CBR4: variants seen among roughly 807,000 people sequenced by gnomAD.
CBR4 encodes the protein 3-oxoacyl-[acyl-carrier-protein] reductase.
A neutral mutation model predicts 21.0 loss-of-function variants in CBR4; 22 were observed. The observed-to-expected ratio is 1.05, with a 90% CI of 0.75 to 1.50. The LOEUF is 1.50. Ranked by LOEUF, CBR4 falls within the 40% of genes most tolerant of loss-of-function variation. CBR4 has a pLI of 0.00. For missense variants in CBR4, 302 were observed against 286.3 expected (o/e 1.05, Z -0.40); for synonymous variants, 100 against 104.4 (o/e 0.96, Z 0.26).
In CBR4 at chr4:168,921,672, G is replaced by A. The variant is rs757307011; in HGVS notation, n.170-26907C>T. 2 of 1,611,222 alleles carry A rather than the reference G, an allele frequency of 1.2e-6. No homozygotes were observed. The highest frequency in any genetic ancestry group is 3.3e-5 in the Admixed American group (2 of 59,716). ...AGAGCCAGTCACGTCACGTGATGCC[G>A]GCATCTACACATGTATAGCTACCAA... On this transcript the variant is annotated intron_variant and non_coding_transcript_variant, in intron 2 of 3. Coordinates refer to the CBR4 transcript ENST00000509108.
rs77409532 is a variant in CBR4, at chr4:168,979,095, C to T, written n.169+22976G>A. 7.7e-3 allele frequency among the ~76,000 whole-genome samples: 1,177 copies of T among 152,136 alleles called. 18 individuals carry two copies. The highest frequency in any genetic ancestry group is 0.026 in the African/African-American group (1,090 of 41,502). On this transcript the variant is annotated intron_variant and non_coding_transcript_variant, in intron 2 of 3. Transcript: ENST00000509108. Reference sequence around the variant, plus strand: ...GAAAAAGAGGCCACACTATTTTCCACGCAGGTCCCTCCTCCTGTTACTCCT... The same window carrying T: ...GAAAAAGAGGCCACACTATTTTCCATGCAGGTCCCTCCTCCTGTTACTCCT...
At chr4:168,913,225 C>T (rs1015672842) in intron 2 of CBR4, among the ~76,000 whole-genome samples, 68 of 151,334 alleles carry the variant, frequency 4.5e-4, no homozygotes, top group African/African-American at 1.6e-3. Context: ...CAACCTCCGC[C>T]TCCCGGGTTC....
At chr4:168,933,701 A>G (rs1221019418) in intron 2 of CBR4, among the ~76,000 whole-genome samples, 1 of 152,228 alleles carries the variant, frequency 6.6e-6, no homozygotes, top group Non-Finnish European at 1.5e-5. Context: ...CCCAACAGCA[A>G]TAGAATACAC....
At chr4:168,999,042 A>C (rs991237528) in intron 4 of CBR4, among the ~76,000 whole-genome samples, 6 of 152,140 alleles carry the variant, frequency 3.9e-5, no homozygotes, top group African/African-American at 1.4e-4. Context: ...CATTTATCAA[A>C]TATTATTTCT....
intron 2 of CBR4, among the ~76,000 whole-genome samples, chr4:168,940,658 A>G (rs1763238298): frequency 6.6e-6 from 1 of 152,226 alleles, no homozygotes; most frequent in South Asian, 2.1e-4. Context: ...GAAGACATTT[A>G]TGCAGCCAAC....
chr4:168,948,100 G>A (rs889353937), intron 2 of CBR4, among the ~76,000 whole-genome samples: 2 of 152,112 alleles, frequency 1.3e-5, no homozygotes, highest in Non-Finnish European at 2.9e-5. Context: ...TCACACTGTG[G>A]TTTTGATTTG....
At chr4:168,937,071 G>T (rs1763132886) in intron 2 of CBR4, among the ~76,000 whole-genome samples, 1 of 152,098 alleles carries the variant, frequency 6.6e-6, no homozygotes, top group Non-Finnish European at 1.5e-5. Flanking sequence ...AAAAGGTCAG[G>T]TTACCCACAA....
chr4:168,947,543 T>C (rs1217580485), intron 2 of CBR4, among the ~76,000 whole-genome samples: 1 of 152,144 alleles, frequency 6.6e-6, no homozygotes, highest in African/African-American at 2.4e-5. Flanking sequence ...CCCTCTCCCA[T>C]CCTTCTCCCC....
At chr4:168,954,959 C>T (rs943317713) in intron 2 of CBR4, among the ~76,000 whole-genome samples, 4 of 151,994 alleles carry the variant, frequency 2.6e-5, no homozygotes, top group Non-Finnish European at 5.9e-5. Flanking sequence ...GAGAATGGTT[C>T]GGAATTAATG....
rs1223364195 is a variant in CBR4, at chr4:168,894,606, C to T, written n.329G>A. 5 of 1,613,108 alleles carry T rather than the reference C, an allele frequency of 3.1e-6. No homozygotes were observed. Among genetic ancestry groups the T allele is most frequent in the South Asian group, 2.2e-5 (2 of 91,026 alleles). On this transcript the variant is annotated non_coding_transcript_exon_variant, in exon 3 of 4. Coordinates refer to the CBR4 transcript ENST00000509108. ...GTTAACATACGAAGAAAGAATGGCTCGTCGACTGCTAGGTGCTGACAGTGC... is the reference window on the plus strand; with the variant it reads ...GTTAACATACGAAGAAAGAATGGCTTGTCGACTGCTAGGTGCTGACAGTGC...
intron 2 of CBR4, chr4:168,898,498 C>CA (rs751704485): frequency 6.2e-7 from 1 of 1,608,566 alleles, no homozygotes; most frequent in Non-Finnish European, 8.5e-7. Context: ...TTCAGGAATA[C>CA]AAAGTCTCCA....
At chr4:168,975,862 G>A (rs1459258515) in intron 2 of CBR4, among the ~76,000 whole-genome samples, 1 of 152,076 alleles carries the variant, frequency 6.6e-6, no homozygotes, top group East Asian at 1.9e-4. Flanking sequence ...GGTTGCCAGG[G>A]AAGTGGGGGA....
intron 2 of CBR4, among the ~76,000 whole-genome samples, chr4:168,922,102 TACACACACACACACACACACACACACAC>T (rs35503011): frequency 7.5e-6 from 1 of 132,604 alleles, no homozygotes; most frequent in Admixed American, 7.5e-5. Flanking sequence ...TATATATATA[TACACACACACACACACACACACACACAC>T]ACACACACAC....
intron 2 of CBR4, among the ~76,000 whole-genome samples, chr4:168,907,298 A>G (rs538621382): frequency 6.6e-6 from 1 of 152,320 alleles, no homozygotes. Context: ...AACCAGATGT[A>G]AAGGATCAGT....
intron 2 of CBR4, among the ~76,000 whole-genome samples, chr4:168,935,043 G>T (rs1763070044): frequency 6.6e-6 from 1 of 152,202 alleles, no homozygotes; most frequent in African/African-American, 2.4e-5. Flanking sequence ...AATGCAGAAG[G>T]CAGGTGATTT....
downstream of CBR4, among the ~76,000 whole-genome samples, chr4:168,986,112 A>T (rs1057346896): frequency 3.3e-5 from 5 of 152,240 alleles, no homozygotes; most frequent in Admixed American, 6.5e-5. Flanking sequence ...CAATAAAAAT[A>T]AGAACAATTA....
downstream of CBR4, among the ~76,000 whole-genome samples, chr4:168,986,091 C>G (rs1039574759): frequency 1.3e-5 from 2 of 149,556 alleles, no homozygotes; most frequent in Non-Finnish European, 3.0e-5. Flanking sequence ...AGAAAATATC[C>G]GGGGGGGGAA....
intron 2 of CBR4, among the ~76,000 whole-genome samples, chr4:168,957,264 T>A (rs568900301): frequency 1.3e-5 from 2 of 152,240 alleles, no homozygotes; most frequent in Admixed American, 6.5e-5. Flanking sequence ...AATGATTTAC[T>A]TACTCTTGAA....
chr4:168,901,242 G>A (rs535315172), intron 2 of CBR4, among the ~76,000 whole-genome samples: 76 of 152,200 alleles, frequency 5.0e-4, no homozygotes, highest in Non-Finnish European at 1.3e-4. Context: ...CATGTTTAAA[G>A]AAATACATGT....
Sources: allele counts gnomAD v4.1 joint callset (sites outside exome capture counted in the v4.1 genomes callset), GRCh38; gene constraint gnomAD v4.1.1; transcripts MANE v1.5; gene names NCBI Gene and HGNC (gene_info 2026-07-23, HGNC 2026-07-21).